The following VEPH1 variants were observed in gnomAD, a reference collection of about 807,000 sequenced individuals.
VEPH1 encodes ventricular zone-expressed PH domain-containing protein homolog 1.
Under a neutral mutation model 85.2 loss-of-function variants are expected in VEPH1, and 80 were observed. The ratio of observed to expected loss-of-function variants is 0.94; its 90% CI spans 0.78 to 1.13. The LOEUF is 1.13. Ranked by LOEUF, VEPH1 falls within the 50% of genes most tolerant of loss-of-function variation. The pLI, the probability that VEPH1 is intolerant of heterozygous loss-of-function variation, is 0.00. For missense variants in VEPH1, 955 were observed against 980.5 expected (o/e 0.97, Z 0.35); for synonymous variants, 297 against 348.0 (o/e 0.85, Z 1.63).
chr3:157,375,029 T>C (rs1177649030), intron 7 of VEPH1, among the ~76,000 whole-genome samples: 1 of 152,224 alleles, frequency 6.6e-6, no homozygotes, highest in African/African-American at 2.4e-5. Context: ...GGAATTACCA[T>C]GGACTCACAG....
intron 2 of VEPH1, among the ~76,000 whole-genome samples, chr3:157,475,113 G>T (rs571282833): frequency 6.6e-6 from 1 of 150,874 alleles, no homozygotes; most frequent in African/African-American, 2.4e-5. Flanking sequence ...CTGAGTAGCT[G>T]GGATTACAGG....
chr3:157,387,022 G>A (rs1349801617), intron 6 of VEPH1, among the ~76,000 whole-genome samples: 1 of 152,212 alleles, frequency 6.6e-6, no homozygotes, highest in African/African-American at 2.4e-5. Context: ...GGAACAGACA[G>A]TAAATATTTC....
At chr3:157,418,359 G>T (rs1246690054) in intron 5 of VEPH1, among the ~76,000 whole-genome samples, 1 of 152,132 alleles carries the variant, frequency 6.6e-6, no homozygotes, top group African/African-American at 2.4e-5. Context: ...AAGATTGATG[G>T]ATATATCTTC....
Position 157,469,522 on chromosome 3 carries a change from G to T in VEPH1, c.354+792C>A, listed in dbSNP as rs180887772. On this transcript the variant is annotated intron_variant, in intron 3 of 13. Transcript: ENST00000362010. ...ACTGGAAAATGCTGGCCTAAACAAG[G>T]TTAACCAGCTTTCTTTATTGCAGTA... Among the ~76,000 whole-genome samples the T allele has an allele frequency of 3.4e-4, 52 of 152,260 alleles. No individual in the cohort carries two copies. The East Asian group carries it at 6.9e-3, about 20-fold the overall frequency.
At position 157,286,654 on chromosome 3, in the gene VEPH1, G is replaced by T. The variant is rs1201364034; in HGVS notation, c.2031C>A (p.Leu677=). 1 of 1,613,908 alleles carries T rather than the reference G, an allele frequency of 6.2e-7. No individual in the cohort carries two copies. The highest frequency in any genetic ancestry group is 1.3e-5 in the African/African-American group (1 of 74,922). ...PQQKDLDQVQ[L]HLEEVRFFDV... ...CAAAGAACCTCACTTCTTCCAGATG[G>T]AGCTGTACCTGGTCCAGATCCTGTG... The change falls in exon 12 of 14, where the codon CTC becomes CTA. Residue 677 remains leucine (L), a synonymous_variant. Transcript: ENST00000362010.
At chr3:157,449,481 T>G (rs571406479) in intron 4 of VEPH1, among the ~76,000 whole-genome samples, 1 of 152,368 alleles carries the variant, frequency 6.6e-6, no homozygotes, top group East Asian at 1.9e-4. Context: ...TTTCCATATA[T>G]GCACAGATTT....
intron 7 of VEPH1, among the ~76,000 whole-genome samples, chr3:157,371,984 T>C (rs1727544493): frequency 6.6e-6 from 1 of 152,046 alleles, no homozygotes; most frequent in Non-Finnish European, 1.5e-5. Flanking sequence ...ACTCTGTAAA[T>C]TATAAAGGAC....
intron 4 of VEPH1, among the ~76,000 whole-genome samples, chr3:157,441,481 G>T (rs2109231544): frequency 6.6e-6 from 1 of 152,270 alleles, no homozygotes; most frequent in South Asian, 2.1e-4. Flanking sequence ...ACTCTGCAAA[G>T]TTTACAAATA....
Position 157,381,349 on chromosome 3 carries a change from G to A in VEPH1, c.934C>T (p.Leu312=), listed in dbSNP as rs894505360. 5 of 1,614,072 alleles carry A rather than the reference G, an allele frequency of 3.1e-6. No individual in the cohort carries two copies. Among genetic ancestry groups the A allele is most frequent in the Non-Finnish European group, 3.4e-6 (4 of 1,180,032 alleles). ...TCCATGTTGGCCAGTTGGCTCACCA[G>A]GTATGTCAGGCAGCTCCTGGCTCTC... ...EERARSCLTY[L]VSQLANMEHS... The change falls in exon 7 of 14, where the codon CTG becomes TTG. Residue 312 remains leucine, a synonymous_variant. Transcript: ENST00000362010.
intron 6 of VEPH1, among the ~76,000 whole-genome samples, chr3:157,390,218 G>A (rs1729729966): frequency 6.6e-6 from 1 of 152,180 alleles, no homozygotes; most frequent in Non-Finnish European, 1.5e-5. Flanking sequence ...GACAAAAAAA[G>A]TTTGAACAAT....
At chr3:157,455,060 C>T (rs532486479) in intron 4 of VEPH1, among the ~76,000 whole-genome samples, 2 of 152,236 alleles carry the variant, frequency 1.3e-5, no homozygotes, top group Admixed American at 1.3e-4. Flanking sequence ...GATATGAGTA[C>T]ATGTGTCTTT....
chr3:157,280,278 G>A (rs1715934074), intron 12 of VEPH1, among the ~76,000 whole-genome samples: 2 of 152,000 alleles, frequency 1.3e-5, no homozygotes, highest in African/African-American at 2.4e-5. Flanking sequence ...CCTTTCCAAA[G>A]CTTCTCCTCA....
At chr3:157,352,065 G>A (rs1398545136) in intron 9 of VEPH1, among the ~76,000 whole-genome samples, 2 of 152,160 alleles carry the variant, frequency 1.3e-5, no homozygotes, top group Non-Finnish European at 2.9e-5. Context: ...ACTGGCTTTA[G>A]TGAGAACAGC....
At chr3:157,380,088 A>G (rs1028340489) in intron 7 of VEPH1, among the ~76,000 whole-genome samples, 10 of 152,164 alleles carry the variant, frequency 6.6e-5, no homozygotes, top group African/African-American at 2.2e-4. Context: ...TCCAAAGACA[A>G]GCTTCTTGAA....
intron 6 of VEPH1, among the ~76,000 whole-genome samples, chr3:157,402,567 T>C (rs1179963117): frequency 2.0e-5 from 3 of 152,162 alleles, no homozygotes; most frequent in African/African-American, 4.8e-5. Flanking sequence ...AGCAAGATGG[T>C]TAGAAAGGTT....
intron 4 of VEPH1, among the ~76,000 whole-genome samples, chr3:157,430,484 TTA>T (rs1466194747): frequency 6.6e-6 from 1 of 152,240 alleles, no homozygotes; most frequent in East Asian, 1.9e-4. Context: ...TTGAAAGACA[TTA>T]TGTTGTCATT....
chr3:157,443,321 A>G (rs1302588224), intron 4 of VEPH1: 1 of 204,672 alleles, frequency 4.9e-6, no homozygotes, highest in East Asian at 1.1e-4. Flanking sequence ...TGTTTTGGCC[A>G]GAGATGAATT....
At chr3:157,281,630 C>T (rs1413372995) in intron 12 of VEPH1, among the ~76,000 whole-genome samples, 2 of 152,128 alleles carry the variant, frequency 1.3e-5, no homozygotes, top group African/African-American at 4.8e-5. Context: ...CTCCAACTCC[C>T]TGGTTCAAGC....
chr3:157,497,107 T>C (rs1300873431), intron 1 of VEPH1, among the ~76,000 whole-genome samples: 1 of 152,206 alleles, frequency 6.6e-6, no homozygotes, highest in Non-Finnish European at 1.5e-5. Context: ...CCAGTAGTGC[T>C]AGACTCCAAG....
Sources: allele counts gnomAD v4.1 joint callset (sites outside exome capture counted in the v4.1 genomes callset), GRCh38; gene constraint gnomAD v4.1.1; transcripts MANE v1.5; gene names NCBI Gene and HGNC (gene_info 2026-07-23, HGNC 2026-07-21).